The following FGF10 variants were observed in gnomAD, a reference collection of about 807,000 sequenced individuals.
FGF10 encodes the protein fibroblast growth factor 10.
Under a neutral mutation model 19.8 loss-of-function variants are expected in FGF10, and 2 were observed. The ratio of observed to expected loss-of-function variants is 0.10; its 90% CI spans 0.04 to 0.32. The LOEUF is 0.32. Ranked by LOEUF, FGF10 falls within the 10% of genes least tolerant of loss-of-function variation. FGF10 has a pLI of 1.00. For synonymous variants in FGF10, 112 were observed against 94.0 expected, an observed-to-expected ratio of 1.19 and a Z score of -1.10; for missense variants, 191 against 246.3, an observed-to-expected ratio of 0.78 and a Z score of 1.50.
chr5:44,340,470 T>C (rs1290059333), intron 1 of FGF10, among the ~76,000 whole-genome samples: 1 of 152,120 alleles, frequency 6.6e-6, no homozygotes, highest in African/African-American at 2.4e-5. Flanking sequence ...ATTTTGAAAG[T>C]TCAATGACAT....
chr5:44,363,836 C>T (rs1042620270), intron 1 of FGF10, among the ~76,000 whole-genome samples: 3 of 151,816 alleles, frequency 2.0e-5, no homozygotes, highest in Admixed American at 2.0e-4. Context: ...CTTTTGGTCT[C>T]CACATACATT....
At chr5:44,369,995 A>T (rs368343769) in intron 1 of FGF10, among the ~76,000 whole-genome samples, 6 of 152,078 alleles carry the variant, frequency 3.9e-5, no homozygotes, top group South Asian at 4.1e-4. Context: ...TAAAGTTCAG[A>T]TTTCTATGTG....
intron 1 of FGF10, among the ~76,000 whole-genome samples, chr5:44,388,127 A>G (rs1579951530): frequency 9.5e-6 from 1 of 105,424 alleles, no homozygotes; most frequent in Admixed American, 1.2e-4. Context: ...GGGTGGGTAG[A>G]GCGGCAAGGG....
At chr5:44,325,538 T>C (rs928690574) in intron 1 of FGF10, among the ~76,000 whole-genome samples, 6 of 152,112 alleles carry the variant, frequency 3.9e-5, no homozygotes, top group Admixed American at 6.6e-5. Flanking sequence ...ATATACACCA[T>C]GGAATACTAT....
At chr5:44,313,247 C>G (rs1242719628) in intron 1 of FGF10, among the ~76,000 whole-genome samples, 4 of 151,922 alleles carry the variant, frequency 2.6e-5, no homozygotes, top group Non-Finnish European at 5.9e-5. Flanking sequence ...ATGACTGCAC[C>G]TATTATAAAC....
intron 1 of FGF10, among the ~76,000 whole-genome samples, chr5:44,323,885 A>T (rs780194907): frequency 3.1e-4 from 47 of 152,278 alleles, no homozygotes; most frequent in Middle Eastern, 3.4e-3. Context: ...ATGAAAACTG[A>T]TGGGTAAGGG....
chr5:44,305,625 A>G (rs1366215020), intron 2 of FGF10, among the ~76,000 whole-genome samples: 2 of 152,144 alleles, frequency 1.3e-5, no homozygotes, highest in African/African-American at 4.8e-5. Flanking sequence ...GGGCTTGTCA[A>G]GTTTGCAAAC....
chr5:44,320,137 T>G (rs781587153), intron 1 of FGF10, among the ~76,000 whole-genome samples: 1 of 152,202 alleles, frequency 6.6e-6, no homozygotes, highest in Non-Finnish European at 1.5e-5. Context: ...GAGGTGGTGA[T>G]GCTAGCACTG....
intron 1 of FGF10, among the ~76,000 whole-genome samples, chr5:44,323,710 T>G (rs1740548346): frequency 6.6e-6 from 1 of 152,182 alleles, no homozygotes; most frequent in Non-Finnish European, 1.5e-5. Flanking sequence ...ATGAGTGCAA[T>G]CTGGCACATT....
intron 1 of FGF10, among the ~76,000 whole-genome samples, chr5:44,333,739 G>A (rs1055672755): frequency 1.3e-5 from 2 of 152,078 alleles, no homozygotes; most frequent in African/African-American, 4.8e-5. Flanking sequence ...CTTCCCCTCT[G>A]TGTTCCATAT....
At chr5:44,372,098 T>C in intron 1 of FGF10, among the ~76,000 whole-genome samples, 1 of 152,170 alleles carries the variant, frequency 6.6e-6, no homozygotes, top group South Asian at 2.1e-4. Flanking sequence ...CTCACAGTTC[T>C]GGAGGCCAGA....
rs1579952560 is a variant in FGF10 at position 44,389,008 on chromosome 5, T to C, written c.-326A>G. On this transcript the variant is annotated 5_prime_UTR_variant, in exon 1 of 3. Coordinates refer to ENST00000264664, the MANE Select transcript of FGF10 (RefSeq NM_004465.2). ...GCTCTTCGCTCCCCCAGGAGTTACTTTGTTCTCTTCTTTACTCCTTTCTTC... is the reference window on the plus strand; with the variant it reads ...GCTCTTCGCTCCCCCAGGAGTTACTCTGTTCTCTTCTTTACTCCTTTCTTC... The C allele has an allele frequency of 4.2e-6, 2 of 472,964 alleles. No homozygotes were observed. Among genetic ancestry groups the C allele is most frequent in the East Asian group, 4.1e-5 (1 of 24,470 alleles). 29.3% of individuals were successfully genotyped at this position (472,964 alleles called of 1,614,324 possible). A position where few individuals can be genotyped will look rare whatever the true frequency, so the allele number is the denominator to read the frequency against.
intron 1 of FGF10, among the ~76,000 whole-genome samples, chr5:44,313,849 G>A (rs776733552): frequency 5.3e-5 from 8 of 152,068 alleles, no homozygotes; most frequent in Non-Finnish European, 8.8e-5. Context: ...GACCTAGGAG[G>A]AGAAGGGTAC....
Position 44,348,990 on chromosome 5 carries a change from T to C in FGF10, c.326-38460A>G, listed in dbSNP as rs17227787. ...TTGCATGGTGAACCAGGGTTTCTCT[T>C]CTTTAATGTTTCCTTCCAAAACTCG... is the stretch of plus-strand genomic sequence containing the variant. On this transcript the variant is annotated intron_variant, in intron 1 of 2. Transcript: ENST00000264664. Among the ~76,000 whole-genome samples the C allele has an allele frequency of 4.8e-4, 73 of 151,706 alleles. 1 individual carries two copies. Among genetic ancestry groups the C allele is most frequent in the Admixed American group, 4.7e-3 (72 of 15,188 alleles).
At chr5:44,310,374 AC>A (rs1740182903) in intron 2 of FGF10, 52 bp downstream of exon 2, 51 of 1,300,930 alleles carry the variant, frequency 3.9e-5, no homozygotes, top group South Asian at 3.6e-4. Flanking sequence ...ACTTTCCAAA[AC>A]TATGGTAATG....
rs1739982278 is a variant in FGF10, at chr5:44,302,286, C to CCTTCCTTCCTTG, written c.*2708_*2709insCAAGGAAGGAAG. Among the ~76,000 whole-genome samples the CCTTCCTTCCTTG allele has an allele frequency of 2.8e-5, 1 of 36,290 alleles. No homozygotes were observed. The highest frequency in any genetic ancestry group is 5.6e-5 in the Non-Finnish European group (1 of 17,878). 23.8% of individuals were successfully genotyped at this position (36,290 alleles called of 152,430 possible). Reference sequence around the variant, plus strand: ...TCCTTCCTTCCTTCTTTCCTTGCTTCCTTCCTTCCTTCCTTCCTTCCTTCC... The same window carrying CCTTCCTTCCTTG: ...TCCTTCCTTCCTTCTTTCCTTGCTTCCTTCCTTCCTTGCTTCCTTCCTTCCTTCCTTCCTTCC... On this transcript the variant is annotated 3_prime_UTR_variant, in exon 3 of 3. Coordinates refer to ENST00000264664, the MANE Select transcript of FGF10 (RefSeq NM_004465.2).
chr5:44,352,148 C>T (rs543202842), intron 1 of FGF10, among the ~76,000 whole-genome samples: 62 of 151,690 alleles, frequency 4.1e-4, no homozygotes, highest in Non-Finnish European at 7.4e-4. Flanking sequence ...TCATTCAGCA[C>T]TGGGCACAAC....
chr5:44,331,413 A>C (rs982212537), intron 1 of FGF10, among the ~76,000 whole-genome samples: 5 of 152,146 alleles, frequency 3.3e-5, no homozygotes, highest in Non-Finnish European at 7.3e-5. Context: ...AAATAATTCC[A>C]TTGATAATAA....
chr5:44,388,855 C>T lies in FGF10; in HGVS notation c.-173G>A. The T allele has an allele frequency of 1.4e-6, 1 of 692,376 alleles. No homozygotes were observed. The highest frequency in any genetic ancestry group is 2.1e-5 in the Admixed American group (1 of 47,676). The allele number at this position is 692,376 out of a possible 1,614,324, so 42.9% of individuals were successfully genotyped here. A position where few individuals can be genotyped will look rare whatever the true frequency, so the allele number is the denominator to read the frequency against. On this transcript the variant is annotated 5_prime_UTR_variant, in exon 1 of 3. Coordinates refer to ENST00000264664, the MANE Select transcript of FGF10 (RefSeq NM_004465.2). Reference sequence around the variant, plus strand: ...CAACATCCATAACTCCTCGGAAAAGCCGGCTGACTCCCCTCGCTCCTTTCT... The same window carrying T: ...CAACATCCATAACTCCTCGGAAAAGTCGGCTGACTCCCCTCGCTCCTTTCT...
Sources: gnomAD v4.1 joint callset for allele counts (sites outside exome capture counted in the v4.1 genomes callset) on GRCh38, gnomAD v4.1.1 for gene constraint, MANE v1.5 for transcripts, NCBI Gene and HGNC (gene_info 2026-07-23, HGNC 2026-07-21) for gene names.